The following TBC1D30 variants were observed in gnomAD, a reference collection of about 807,000 sequenced individuals.
TBC1D30 encodes TBC1 domain family, member 30.
In TBC1D30, 31 loss-of-function variants were observed where a neutral mutation model predicts 63.2. That is an observed-to-expected ratio of 0.49 (90% confidence interval 0.37 to 0.66). The LOEUF (loss-of-function observed/expected upper bound fraction) is 0.66. Ranked by LOEUF, TBC1D30 falls within the 30% of genes least tolerant of loss-of-function variation. The pLI is 0.00. For synonymous variants in TBC1D30, 307 were observed against 361.5 expected, an observed-to-expected ratio of 0.85 and a Z score of 1.71; for missense variants, 810 against 953.6, an observed-to-expected ratio of 0.85 and a Z score of 1.98.
Position 64,832,207 on chromosome 12 carries a change from C to A in TBC1D30, c.497C>A (p.Ala166Asp). ...TTGAAGCGGGTGCTGCTGGCCTATG[C>A]CCGATGGAACAAAACTGTTGGGTAC... ...VVLKRVLLAY[A>D]RWNKTVGYCQ... Residue 166 changes from alanine (A) to aspartate (D), a missense_variant, in exon 5 of 12, where the codon GCC (alanine) becomes GAC (aspartate). This residue lies in a region of TBC1D30 where 272 missense variants were observed against 335.9 expected (regional missense o/e 0.81). Coordinates refer to ENST00000539867, the MANE Select transcript of TBC1D30 (RefSeq NM_015279.2). 1 of 1,536,124 alleles carries A rather than the reference C, an allele frequency of 6.5e-7. No homozygotes were observed. The highest frequency in any genetic ancestry group is 2.4e-5 in the East Asian group (1 of 40,912).
chr12:64,775,994 A>G (rs1871067768), upstream of TBC1D30, among the ~76,000 whole-genome samples: 1 of 152,236 alleles, frequency 6.6e-6, no homozygotes, highest in Admixed American at 6.5e-5. Flanking sequence ...GTACAATTAC[A>G]TGGAAATTGA....
At chr12:64,839,034 G>C (rs1875612339) in intron 7 of TBC1D30, among the ~76,000 whole-genome samples, 183 bp downstream of exon 7, 1 of 152,192 alleles carries the variant, frequency 6.6e-6, no homozygotes, top group African/African-American at 2.4e-5. Context: ...TGGAGAAGGG[G>C]GCAGATGCCT....
chr12:64,778,577 G>A (rs1462820247), upstream of TBC1D30, among the ~76,000 whole-genome samples: 3 of 84,528 alleles, frequency 3.5e-5, no homozygotes, highest in Admixed American at 2.7e-4. Context: ...TTTTTTTTAA[G>A]ATGGAGTCTC....
intron 2 of TBC1D30, among the ~76,000 whole-genome samples, chr12:64,812,761 T>A (rs1873289839): frequency 6.6e-6 from 1 of 152,142 alleles, no homozygotes; most frequent in South Asian, 2.1e-4. Flanking sequence ...TGATTTTTTT[T>A]TTTTTGCTTG....
At chr12:64,863,013 A>G (rs989608258) in intron 8 of TBC1D30, among the ~76,000 whole-genome samples, 1 of 152,204 alleles carries the variant, frequency 6.6e-6, no homozygotes, top group African/African-American at 2.4e-5. Flanking sequence ...CATGATAGTA[A>G]GAGCAAGCGG....
chr12:64,858,095 C>G (rs954605463), intron 8 of TBC1D30, among the ~76,000 whole-genome samples: 1 of 152,148 alleles, frequency 6.6e-6, no homozygotes, highest in South Asian at 2.1e-4. Context: ...TTCTTGTTAT[C>G]GTGCTTCTCT....
At chr12:64,823,216 A>G (rs1003496640), upstream of TBC1D30, among the ~76,000 whole-genome samples, 2 of 152,202 alleles carry the variant, frequency 1.3e-5, no homozygotes, top group Non-Finnish European at 2.9e-5. Context: ...AGTGGATATA[A>G]GAATTTAAGA....
intron 5 of TBC1D30, 144 bp downstream of exon 5, chr12:64,832,448 G>C: frequency 1.3e-6 from 1 of 792,494 alleles, no homozygotes; most frequent in Middle Eastern, 3.8e-4. Context: ...TTTCCTCCAG[G>C]TTAGAGCCAT....
At chr12:64,864,992 A>T (rs1284550697) in intron 9 of TBC1D30, among the ~76,000 whole-genome samples, 7 of 152,028 alleles carry the variant, frequency 4.6e-5, no homozygotes, top group African/African-American at 1.7e-4. Context: ...AACTGAAGAG[A>T]GATTTAGCAA....
At chr12:64,869,932 T>C (rs1360404674) in intron 10 of TBC1D30, among the ~76,000 whole-genome samples, 4 of 152,212 alleles carry the variant, frequency 2.6e-5, no homozygotes, top group African/African-American at 7.2e-5. Flanking sequence ...CTTTGGCCTG[T>C]GTAGTCTGTG....
rs575054651 is a variant in TBC1D30 at position 64,826,741 on chromosome 12, T to C, written c.155-1094T>C. ...GGCCCTGAAGCTTTAAAAAGAAATA[T>C]CAAGGCATTGATTGGATGCCTGGGA... On this transcript the variant is annotated intron_variant, in intron 1 of 11. Transcript: ENST00000539867. Among the ~76,000 whole-genome samples, 5 of 152,152 alleles carry C rather than the reference T, an allele frequency of 3.3e-5. No individual in the cohort carries two copies. In the South Asian group the frequency reaches 1.0e-3, roughly 32 times the overall value.
At chr12:64,866,663 G>T in intron 9 of TBC1D30, 101 bp from the exon 10 acceptor site, 1 of 1,108,870 alleles carries the variant, frequency 9.0e-7, no homozygotes, top group Non-Finnish European at 1.2e-6. Flanking sequence ...GTAATTCTAT[G>T]TTAATTATAT....
At chr12:64,789,987 T>C (rs551167200) in intron 2 of TBC1D30, among the ~76,000 whole-genome samples, 2 of 152,344 alleles carry the variant, frequency 1.3e-5, no homozygotes, top group East Asian at 3.9e-4. Flanking sequence ...GGTTAAGTAA[T>C]TTGGCAAGCG....
upstream of TBC1D30, among the ~76,000 whole-genome samples, chr12:64,822,526 G>A (rs1223498330): frequency 6.7e-6 from 1 of 149,828 alleles, no homozygotes; most frequent in Non-Finnish European, 1.5e-5. Context: ...CTGAGGCAGG[G>A]TCTCACCATC....
chr12:64,845,726 CA>C (rs71096005), intron 8 of TBC1D30, among the ~76,000 whole-genome samples: 95,397 of 122,894 alleles, frequency 0.78, 36,478 homozygotes, highest in East Asian at 0.94. Context: ...GACTCCGTCT[CA>C]AAAAAAAAAA....
chr12:64,873,655 TGAG>T lies in TBC1D30; in HGVS notation c.1499-1342_1499-1340del, dbSNP rs568118051. Among the ~76,000 whole-genome samples the T allele has an allele frequency of 3.3e-3, 508 of 152,100 alleles. 4 individuals are homozygous for T. Among genetic ancestry groups the T allele is most frequent in the African/African-American group, 0.012 (477 of 41,476 alleles). On this transcript the variant is annotated intron_variant, in intron 11 of 11. Transcript: ENST00000539867. ...AGCCTGAGAGCTAGAAGAGCCAAAATGAGGAGTATTAGAATTAAATATTTTCAC... is the reference window on the plus strand; with the variant it reads ...AGCCTGAGAGCTAGAAGAGCCAAAATGAGTATTAGAATTAAATATTTTCAC...
In TBC1D30 at chr12:64,836,535, G is replaced by C. The variant is rs574681444; in HGVS notation, c.640G>C (p.Val214Leu). ...TAAGGTACTTCCCGAAAGCTATTTC[G>C]TCAATAATCTCCGGGCATTGTCTGT... ...IDKVLPESYF[V>L]NNLRALSVDM... Residue 214 changes from valine to leucine, a missense_variant, in exon 6 of 12, where the codon GTC becomes CTC. Transcript: ENST00000539867. 7 of 1,535,592 alleles carry C rather than the reference G, an allele frequency of 4.6e-6. No homozygotes were observed. The highest frequency in any genetic ancestry group is 3.5e-6 in the Non-Finnish European group (4 of 1,146,724).
chr12:64,874,957 T>C lies in TBC1D30; in HGVS notation c.1499-44T>C, dbSNP rs183245515. 4.3e-3 allele frequency: 6,462 copies of C among 1,489,776 alleles called. 20 individuals are homozygous for C. The highest frequency in any genetic ancestry group is 6.7e-3 in the Admixed American group (318 of 47,672). The allele number at this position is 1,489,776 out of a possible 1,614,324, so 92.3% of individuals were successfully genotyped here. ...GATTTCTGTTCCAAGATGGATGTGT[T>C]TCTTTGTGGTACACTTCATACTACC... On this transcript the variant is annotated intron_variant, in intron 11 of 11. Coordinates refer to ENST00000539867, the MANE Select transcript of TBC1D30 (RefSeq NM_015279.2).
chr12:64,861,603 A>G (rs1253146914), intron 8 of TBC1D30, among the ~76,000 whole-genome samples: 1 of 151,942 alleles, frequency 6.6e-6, no homozygotes, highest in Non-Finnish European at 1.5e-5. Context: ...CTTATTAGCA[A>G]TGGTCATTTT....
Sources: gnomAD v4.1 joint callset for allele counts (sites outside exome capture counted in the v4.1 genomes callset) on GRCh38, gnomAD v4.1.1 for gene constraint, gnomAD v4.1.1 regional missense constraint, MANE v1.5 for transcripts, NCBI Gene and HGNC (gene_info 2026-07-23, HGNC 2026-07-21) for gene names.